The following MARCHF1 variants were observed in gnomAD, a reference collection of about 807,000 sequenced individuals.
MARCHF1 encodes the protein E3 ubiquitin-protein ligase MARCHF1.
Under a neutral mutation model 54.2 loss-of-function variants are expected in MARCHF1, and 40 were observed. The ratio of observed to expected loss-of-function variants is 0.74; its 90% confidence interval spans 0.57 to 0.96. The LOEUF is 0.96. Among genes scored for constraint, MARCHF1 ranks in the 40% least tolerant of loss-of-function variants. The pLI, the probability that MARCHF1 is intolerant of heterozygous loss-of-function variation, is 0.00. For synonymous variants in MARCHF1, 236 were observed against 236.3 expected, an observed-to-expected ratio of 1.00 and a Z score of 0.01; for missense variants, 586 against 656.5, an observed-to-expected ratio of 0.89 and a Z score of 1.17.
intron 7 of MARCHF1, among the ~76,000 whole-genome samples, chr4:163,599,644 C>T (rs894212600): frequency 8.5e-5 from 13 of 152,156 alleles, no homozygotes; most frequent in African/African-American, 3.1e-4. Context: ...TCTGTATTCT[C>T]TACTTCAGTG....
At chr4:163,710,640 T>G (rs1745081067) in intron 4 of MARCHF1, among the ~76,000 whole-genome samples, 1 of 152,132 alleles carries the variant, frequency 6.6e-6, no homozygotes, top group African/African-American at 2.4e-5. Context: ...TTTTTAAGTT[T>G]ACACACTCTT....
chr4:164,153,542 C>T (rs186198453), intron 1 of MARCHF1, among the ~76,000 whole-genome samples: 26 of 152,042 alleles, frequency 1.7e-4, no homozygotes, highest in African/African-American at 6.0e-4. Flanking sequence ...AGAAAGTCCA[C>T]CCACATGGGA....
At chr4:163,633,326 G>T (rs1742179270) in intron 5 of MARCHF1, among the ~76,000 whole-genome samples, 3 of 151,994 alleles carry the variant, frequency 2.0e-5, no homozygotes, top group Admixed American at 2.0e-4. Flanking sequence ...CAAACCAAAG[G>T]CAAAGAAGTT....
chr4:163,550,752 T>C (rs760752679), intron 8 of MARCHF1, among the ~76,000 whole-genome samples: 3 of 152,190 alleles, frequency 2.0e-5, no homozygotes, highest in Non-Finnish European at 2.9e-5. Flanking sequence ...GTAAACCTTT[T>C]ACAAATCCTT....
At chr4:164,240,021 A>C (rs1732691507) in intron 1 of MARCHF1, among the ~76,000 whole-genome samples, 1 of 152,222 alleles carries the variant, frequency 6.6e-6, no homozygotes, top group Non-Finnish European at 1.5e-5. Context: ...AATTCAATAA[A>C]TAGTCATTAC....
intron 4 of MARCHF1, among the ~76,000 whole-genome samples, chr4:163,795,865 A>G (rs1747899474): frequency 6.6e-6 from 1 of 152,188 alleles, no homozygotes; most frequent in African/African-American, 2.4e-5. Context: ...AATAACATAA[A>G]CAGTTGATTA....
chr4:163,743,735 T>C (rs559742375), intron 4 of MARCHF1, among the ~76,000 whole-genome samples: 154 of 152,272 alleles, frequency 1.0e-3, no homozygotes, highest in African/African-American at 3.4e-3. Flanking sequence ...CCCGCCACCA[T>C]GCCTGGCCAA....
intron 1 of MARCHF1, among the ~76,000 whole-genome samples, chr4:164,121,312 G>A (rs1047166897): frequency 1.3e-5 from 2 of 151,910 alleles, no homozygotes; most frequent in Non-Finnish European, 2.9e-5. Context: ...CCATTCTCAC[G>A]CTGCTATAAA....
chr4:163,600,165 C>A (rs1740914893), intron 7 of MARCHF1, among the ~76,000 whole-genome samples: 4 of 151,906 alleles, frequency 2.6e-5, no homozygotes, highest in Admixed American at 2.0e-4. Context: ...TTTATATACA[C>A]ACATATATAA....
intron 5 of MARCHF1, among the ~76,000 whole-genome samples, chr4:163,692,574 T>A (rs1744497462): frequency 6.6e-6 from 1 of 151,826 alleles, no homozygotes; most frequent in Non-Finnish European, 1.5e-5. Context: ...ACCACAGGGC[T>A]GGATTATGGC....
At chr4:163,633,469 T>G (rs1370154786) in intron 5 of MARCHF1, among the ~76,000 whole-genome samples, 2 of 152,320 alleles carry the variant, frequency 1.3e-5, no homozygotes, top group Non-Finnish European at 2.9e-5. Context: ...CAGGAGCCGA[T>G]GCGATCAACT....
chr4:163,837,743 A>G (rs752640128), intron 4 of MARCHF1, among the ~76,000 whole-genome samples: 2 of 152,158 alleles, frequency 1.3e-5, no homozygotes, highest in Non-Finnish European at 2.9e-5. Flanking sequence ...TGTAACTACT[A>G]AAACATGCAA....
At chr4:163,547,019 ACATT>A (rs1175987816) in intron 8 of MARCHF1, among the ~76,000 whole-genome samples, 4 of 152,166 alleles carry the variant, frequency 2.6e-5, no homozygotes, top group Non-Finnish European at 5.9e-5. Context: ...AGGATTCTTT[ACATT>A]ATTACGCCCT....
chr4:163,636,154 A>C (rs1403162184), intron 5 of MARCHF1, among the ~76,000 whole-genome samples: 2 of 152,200 alleles, frequency 1.3e-5, no homozygotes, highest in South Asian at 4.1e-4. Flanking sequence ...AATGGGAAAA[A>C]ACTGGAAGCA....
chr4:164,211,708 A>T (rs1451678573), intron 1 of MARCHF1, among the ~76,000 whole-genome samples: 2 of 152,022 alleles, frequency 1.3e-5, no homozygotes, highest in Non-Finnish European at 2.9e-5. Context: ...CAATGGTTAA[A>T]GAACTTAGAA....
At chr4:164,033,191 A>G (rs77521739) in intron 2 of MARCHF1, among the ~76,000 whole-genome samples, 1 of 151,666 alleles carries the variant, frequency 6.6e-6, no homozygotes, top group Non-Finnish European at 1.5e-5. Context: ...AAAAAAAAAA[A>G]GAAAAGGTGC....
chr4:163,708,219 A>T (rs1409233196), intron 4 of MARCHF1, among the ~76,000 whole-genome samples: 2 of 151,554 alleles, frequency 1.3e-5, no homozygotes, highest in African/African-American at 2.4e-5. Context: ...TTTGAGTTCC[A>T]GTTCTATGGG....
chr4:164,041,850 T>A (rs558593393), intron 2 of MARCHF1, among the ~76,000 whole-genome samples: 3 of 152,322 alleles, frequency 2.0e-5, no homozygotes, highest in Admixed American at 1.3e-4. Context: ...TTTCATTTGC[T>A]TTTCTCTTTG....
chr4:164,282,029 T>C (rs971516262), intron 1 of MARCHF1, among the ~76,000 whole-genome samples: 4 of 150,980 alleles, frequency 2.6e-5, no homozygotes, highest in Non-Finnish European at 5.9e-5. Context: ...CTCTACCCTA[T>C]AGACCTCTAG....
Sources: allele counts gnomAD v4.1 joint callset (sites outside exome capture counted in the v4.1 genomes callset), GRCh38; gene constraint gnomAD v4.1.1; transcripts MANE v1.5; gene names NCBI Gene and HGNC (gene_info 2026-07-23, HGNC 2026-07-21).